TLN2: variants seen among roughly 807,000 people sequenced by gnomAD.
TLN2 encodes the protein talin 2.
Under a neutral mutation model 294.7 loss-of-function variants are expected in TLN2, and 118 were observed. The ratio of observed to expected loss-of-function variants is 0.40; its 90% CI spans 0.34 to 0.47. TLN2 has a LOEUF of 0.47. Among genes scored for constraint, TLN2 ranks in the 20% least tolerant of loss-of-function variants. TLN2 has a pLI of 0.84. For missense variants in TLN2, 3,083 were observed against 3,282.2 expected (o/e 0.94, Z 1.48); for synonymous variants, 1,431 against 1,304.5 (o/e 1.10, Z -2.09).
chr15:62,679,303 AT>A (rs1180500002), intron 11 of TLN2, among the ~76,000 whole-genome samples: 12 of 152,346 alleles, frequency 7.9e-5, no homozygotes, highest in African/African-American at 2.9e-4. Flanking sequence ...GAAAGTGTAT[AT>A]CCACATAAAA....
intron 2 of TLN2, among the ~76,000 whole-genome samples, chr15:62,597,032 A>T (rs1195887102): frequency 6.6e-6 from 1 of 152,198 alleles, no homozygotes; most frequent in Admixed American, 6.5e-5. Context: ...TCACGCTGTT[A>T]GTTCTCTCTA....
At chr15:62,781,360 T>C in intron 44 of TLN2, 119 bp downstream of exon 44, 1 of 700,528 alleles carries the variant, frequency 1.4e-6, no homozygotes, top group Non-Finnish European at 2.4e-6. Context: ...CTCTAGTCCC[T>C]CAGGGGCTCC....
In TLN2 at chr15:62,833,463, G is replaced by A. The variant is rs759551810; in HGVS notation, c.7003-41G>A. On this transcript the variant is annotated intron_variant, in intron 54 of 58. Transcript: ENST00000636159. Reference sequence around the variant, plus strand: ...TAGTTTGGAAGAAAGAGCCCTTTGTGGATATGAATTGAATGTGATGCTGTT... The same window carrying A: ...TAGTTTGGAAGAAAGAGCCCTTTGTAGATATGAATTGAATGTGATGCTGTT... 3.9e-5 allele frequency: 62 copies of A among 1,603,124 alleles called. 2 individuals are homozygous for A. In the Middle Eastern group the frequency reaches 6.6e-4, roughly 17 times the overall value.
intron 3 of TLN2, among the ~76,000 whole-genome samples, chr15:62,633,525 G>T (rs1359791622): frequency 6.6e-6 from 1 of 152,102 alleles, no homozygotes; most frequent in African/African-American, 2.4e-5. Context: ...GGCTGGTCTC[G>T]AACTCCTGGA....
intron 22 of TLN2, among the ~76,000 whole-genome samples, chr15:62,716,090 A>G (rs938870736): frequency 9.9e-5 from 15 of 152,218 alleles, no homozygotes; most frequent in African/African-American, 3.1e-4. Context: ...AACCAAGGCA[A>G]TGTTCTCAAG....
chr15:62,755,171 G>A (rs1231265485), intron 36 of TLN2: 2 of 173,678 alleles, frequency 1.2e-5, no homozygotes, highest in Non-Finnish European at 2.4e-5. Flanking sequence ...ATTTTAAAGT[G>A]ACTGCCAGAA....
chr15:62,501,570 T>G (rs1005643893), intron 1 of TLN2, among the ~76,000 whole-genome samples: 1 of 152,202 alleles, frequency 6.6e-6, no homozygotes, highest in African/African-American at 2.4e-5. Flanking sequence ...TGTCACACTT[T>G]GAATAGTAAG....
intron 11 of TLN2, among the ~76,000 whole-genome samples, chr15:62,681,801 A>C (rs1484348611): frequency 6.6e-6 from 1 of 152,072 alleles, no homozygotes; most frequent in Non-Finnish European, 1.5e-5. Context: ...TTATTTATTA[A>C]TTTTTTCGAG....
At chr15:62,644,189 C>T (rs1251222693) in intron 3 of TLN2, among the ~76,000 whole-genome samples, 1 of 150,776 alleles carries the variant, frequency 6.6e-6, no homozygotes, top group Non-Finnish European at 1.5e-5. Context: ...TAAAGCCCTC[C>T]AATTTGCCAG....
At chr15:62,526,675 C>G (rs563945200) in intron 1 of TLN2, among the ~76,000 whole-genome samples, 1 of 152,328 alleles carries the variant, frequency 6.6e-6, no homozygotes, top group South Asian at 2.1e-4. Flanking sequence ...CATTTTAAAT[C>G]TCATGTTTTC....
rs2066232369 is a variant in TLN2 at position 62,805,675 on chromosome 15, A to G, written c.6553A>G (p.Met2185Val). The change falls in exon 51 of 59, where the codon ATG (methionine) becomes GTG (valine). Residue 2185 changes from methionine to valine, a missense_variant. Met to Val is a conservative substitution (Grantham distance 21, BLOSUM62 1). Coordinates refer to ENST00000636159, the MANE Select transcript of TLN2 (RefSeq NM_015059.3). ...ESIRMTKGIT[M>V]ATAKAVAAGN... The stretch of plus-strand genomic sequence containing the variant: ...CATAAGGATGACGAAAGGCATCACC[A>G]TGGCAACAGCCAAAGCCGTGGCAGC... 1 of 1,614,060 alleles carries G rather than the reference A, an allele frequency of 6.2e-7. No individual in the cohort carries two copies. The highest frequency in any genetic ancestry group is 1.3e-5 in the African/African-American group (1 of 74,932).
chr15:62,829,147 G>GGT (rs2068507356), intron 54 of TLN2: 1 of 92,152 alleles, frequency 1.1e-5, no homozygotes. Context: ...GTACATAGTA[G>GGT]GTATATATAT....
chr15:62,395,425 C>T (rs1237594923), intron 1 of TLN2, among the ~76,000 whole-genome samples: 2 of 152,086 alleles, frequency 1.3e-5, no homozygotes, highest in Non-Finnish European at 2.9e-5. Flanking sequence ...ACAATTGATA[C>T]ATCTTTTAAA....
At chr15:62,737,545 C>A (rs1183581149) in intron 29 of TLN2, among the ~76,000 whole-genome samples, 1 of 152,200 alleles carries the variant, frequency 6.6e-6, no homozygotes, top group East Asian at 1.9e-4. Flanking sequence ...CAGGCAGAGT[C>A]CTGGACGTGG....
At chr15:62,770,829 T>G in intron 41 of TLN2, 135 bp from the exon 42 acceptor site, 1 of 1,056,736 alleles carries the variant, frequency 9.5e-7, no homozygotes, top group South Asian at 2.1e-5. Flanking sequence ...CTTTCAGCAG[T>G]AAATTGCAGC....
At chr15:62,738,838 A>T (rs1223648814) in intron 30 of TLN2, among the ~76,000 whole-genome samples, 1 of 152,234 alleles carries the variant, frequency 6.6e-6, no homozygotes, top group Non-Finnish European at 1.5e-5. Context: ...AACTCCCTAG[A>T]ACTTTTCACA....
intron 9 of TLN2, chr15:62,658,170 A>G: frequency 5.8e-6 from 1 of 173,366 alleles, no homozygotes; most frequent in South Asian, 1.2e-4. Context: ...TGAAGAGGAA[A>G]GTAAAAAAAA....
intron 1 of TLN2, among the ~76,000 whole-genome samples, chr15:62,508,460 C>T (rs905863242): frequency 1.3e-5 from 2 of 152,114 alleles, no homozygotes; most frequent in African/African-American, 4.8e-5. Context: ...TGTGATCCAC[C>T]CGCCTCGGCC....
chr15:62,825,526 G>T (rs1304982963), intron 54 of TLN2, among the ~76,000 whole-genome samples: 1 of 150,202 alleles, frequency 6.7e-6, no homozygotes, highest in Non-Finnish European at 1.5e-5. Context: ...GCACTCATTG[G>T]TTCCAGACCA....
Sources: gnomAD v4.1 joint callset for allele counts (sites outside exome capture counted in the v4.1 genomes callset) on GRCh38, gnomAD v4.1.1 for gene constraint, MANE v1.5 for transcripts, NCBI Gene and HGNC (gene_info 2026-07-23, HGNC 2026-07-21) for gene names.